The following TAF4 variants were observed in gnomAD, a reference collection of about 807,000 sequenced individuals.
The protein encoded by TAF4 is transcription initiation factor TFIID subunit 4.
A neutral mutation model predicts 90.3 loss-of-function variants in TAF4; 9 were observed. That is an observed-to-expected ratio of 0.10 (90% confidence interval 0.06 to 0.17). The LOEUF is 0.17. TAF4 is among the 10% of genes least tolerant of loss of function. The pLI, the probability that TAF4 is intolerant of heterozygous loss-of-function variation, is 1.00. For synonymous variants in TAF4, 818 were observed against 638.9 expected, an observed-to-expected ratio of 1.28 and a Z score of -4.23; for missense variants, 1,351 against 1,370.7, an observed-to-expected ratio of 0.99 and a Z score of 0.23.
At chr20:62,017,591 G>C (rs921115144) in intron 1 of TAF4, among the ~76,000 whole-genome samples, 3 of 152,218 alleles carry the variant, frequency 2.0e-5, no homozygotes, top group Non-Finnish European at 4.4e-5. Context: ...AGCTTGCAGT[G>C]AGCTGAGATC....
intron 1 of TAF4, among the ~76,000 whole-genome samples, chr20:62,039,534 T>C (rs1256360023): frequency 6.6e-6 from 1 of 152,204 alleles, no homozygotes; most frequent in Non-Finnish European, 1.5e-5. Context: ...AGGCACAAGA[T>C]GAATTCTTAA....
chr20:62,065,443 G>T lies in TAF4; in HGVS notation c.368C>A (p.Ala123Asp). ...PLVPAGPAPP[A>D]AKLRPPPEGS... ...CTCGGGCGGCGGCCTCAGCTTCGCG[G>T]CGGGCGGCGCGGGCCCTGCGGGGAC... is the stretch of plus-strand genomic sequence containing the variant. Residue 123 changes from alanine (A) to aspartate (D), a missense_variant, in exon 1 of 15, where the codon GCC becomes GAC. Ala to Asp is a moderately radical substitution (Grantham distance 126, BLOSUM62 -2). Coordinates refer to ENST00000252996, the MANE Select transcript of TAF4 (RefSeq NM_003185.4). 1 of 976,748 alleles carries T rather than the reference G, an allele frequency of 1.0e-6. No individual in the cohort carries two copies. The highest frequency in any genetic ancestry group is 4.6e-5 in the South Asian group (1 of 21,888). The allele number at this position is 976,748 out of a possible 1,614,324, so 60.5% of individuals were successfully genotyped here. A position where few individuals can be genotyped will look rare whatever the true frequency, so the allele number is the denominator to read the frequency against.
chr20:62,007,700 G>T, intron 5 of TAF4, 64 bp from the exon 6 acceptor site: 1 of 1,448,600 alleles, frequency 6.9e-7, no homozygotes, highest in Non-Finnish European at 9.5e-7. Flanking sequence ...TCTGAATCCC[G>T]CATCACTCTG....
intron 1 of TAF4, among the ~76,000 whole-genome samples, chr20:62,051,513 C>T (rs1007461185): frequency 1.3e-5 from 2 of 152,170 alleles, no homozygotes; most frequent in African/African-American, 2.4e-5. Context: ...CTCGGCCCTG[C>T]AGCATGAGTC....
At position 61,998,003 on chromosome 20, in the gene TAF4, C is replaced by G. The variant is rs544951871; in HGVS notation, c.2970+133G>C. ...ACCTCTGATGTTGTATTTATTTAAA[C>G]TTGGCAAACATTTTAAACAGACACG... is the stretch of plus-strand genomic sequence containing the variant. On this transcript the variant is annotated intron_variant, in intron 13 of 14. Coordinates refer to ENST00000252996, the MANE Select transcript of TAF4 (RefSeq NM_003185.4). The G allele has an allele frequency of 3.3e-5, 29 of 869,082 alleles. No homozygotes were observed. In the Admixed American group the frequency reaches 5.4e-4, roughly 16 times the overall value. 53.8% of individuals were successfully genotyped at this position (869,082 alleles called of 1,614,324 possible). A position where few individuals can be genotyped will look rare whatever the true frequency, so the allele number is the denominator to read the frequency against.
chr20:62,009,621 G>C (rs905419811), intron 4 of TAF4, among the ~76,000 whole-genome samples: 1 of 152,240 alleles, frequency 6.6e-6, no homozygotes, highest in Non-Finnish European at 1.5e-5. Context: ...TATCGATACA[G>C]GCCGACACTG....
chr20:62,062,428 G>A (rs2145526348), intron 1 of TAF4, among the ~76,000 whole-genome samples: 1 of 151,168 alleles, frequency 6.6e-6, no homozygotes, highest in African/African-American at 2.4e-5. Context: ...GGTTATTATT[G>A]AAACAAATAA....
chr20:61,977,158 G>A (rs956375998), intron 14 of TAF4, among the ~76,000 whole-genome samples: 6 of 134,836 alleles, frequency 4.4e-5, no homozygotes, highest in Non-Finnish European at 9.2e-5. Flanking sequence ...ACACGACACC[G>A]CCCAGCGGGG....
chr20:62,048,600 A>AC (rs113800542), intron 1 of TAF4, among the ~76,000 whole-genome samples: 3 of 151,812 alleles, frequency 2.0e-5, no homozygotes, highest in African/African-American at 7.3e-5. Flanking sequence ...CCACGTGCCC[A>AC]CCTCCGTCAC....
At position 62,019,133 on chromosome 20, in the gene TAF4, T is replaced by G. The variant is rs532131579; in HGVS notation, c.1361-4426A>C. ...ACTGGGGCTTCCAATTGTCCTAATA[T>G]CTTCCTTACCACAGAAAGAAGTGTT... On this transcript the variant is annotated intron_variant, in intron 1 of 14. Transcript: ENST00000252996. 6.5e-4 allele frequency among the ~76,000 whole-genome samples: 99 copies of G among 152,336 alleles called. No individual in the cohort carries two copies. In the South Asian group the frequency reaches 7.5e-3, roughly 11 times the overall value.
At chr20:62,063,626 G>A (rs1305263036) in intron 1 of TAF4, among the ~76,000 whole-genome samples, 1 of 151,984 alleles carries the variant, frequency 6.6e-6, no homozygotes, top group Non-Finnish European at 1.5e-5. Context: ...ATCGCCCCGA[G>A]ACCCCTGCAC....
At chr20:61,989,370 G>C (rs1013011551) in intron 14 of TAF4, among the ~76,000 whole-genome samples, 1 of 152,182 alleles carries the variant, frequency 6.6e-6, no homozygotes, top group Non-Finnish European at 1.5e-5. Flanking sequence ...GACGAGGGAA[G>C]TGTCAAAGGA....
intron 14 of TAF4, among the ~76,000 whole-genome samples, chr20:61,985,912 C>T (rs1234916269): frequency 1.3e-5 from 2 of 151,432 alleles, no homozygotes; most frequent in African/African-American, 2.4e-5. Flanking sequence ...CCACCATCCC[C>T]GACCAAAGGA....
chr20:61,987,786 T>C (rs1258408893), intron 14 of TAF4, among the ~76,000 whole-genome samples: 1 of 152,258 alleles, frequency 6.6e-6, no homozygotes, highest in Non-Finnish European at 1.5e-5. Flanking sequence ...TTATACCAGC[T>C]TTCTTCATAA....
chr20:61,991,575 G>C (rs2055631624), intron 14 of TAF4, among the ~76,000 whole-genome samples: 1 of 151,892 alleles, frequency 6.6e-6, no homozygotes, highest in Middle Eastern at 3.4e-3. Flanking sequence ...CTCCAGCATG[G>C]GTGAGAGAGA....
In TAF4 at chr20:62,065,435, G is replaced by A. The variant is rs2056124824; in HGVS notation, c.376C>T (p.Leu126=). ...GCGCTGCCCTCGGGCGGCGGCCTCAGCTTCGCGGCGGGCGGCGCGGGCCCT... is the reference window on the plus strand; with the variant it reads ...GCGCTGCCCTCGGGCGGCGGCCTCAACTTCGCGGCGGGCGGCGCGGGCCCT... ...PAGPAPPAAK[L]RPPPEGSAGS... is the part of the protein sequence containing the mutation. Residue 126 remains leucine (L), a synonymous_variant, in exon 1 of 15, where the codon CTG becomes TTG. Transcript: ENST00000252996. 1.9e-5 allele frequency: 19 copies of A among 975,052 alleles called. No homozygotes were observed. The highest frequency in any genetic ancestry group is 2.2e-5 in the Non-Finnish European group (18 of 824,748). The allele number at this position is 975,052 out of a possible 1,614,324, so 60.4% of individuals were successfully genotyped here.
Position 62,065,535 on chromosome 20 carries a change from T to C in TAF4, c.276A>G (p.Ala92=). The C allele has an allele frequency of 1.0e-6, 1 of 973,914 alleles. No homozygotes were observed. The highest frequency in any genetic ancestry group is 1.2e-6 in the Non-Finnish European group (1 of 825,328). The allele number at this position is 973,914 out of a possible 1,614,324, so 60.3% of individuals were successfully genotyped here. ...CCCCGCCCCCCGGCCGCGCTCTACC[T>C]GCGGGGGGCGGCTCCGGCGCCGCTC... is the stretch of plus-strand genomic sequence containing the variant. ...APGAAPEPPP[A]GRARPGGGGP... The change falls in exon 1 of 15, where the codon GCA becomes GCG. Residue 92 remains alanine, a synonymous_variant. Transcript: ENST00000252996.
At chr20:62,029,506 A>ACACT (rs2055892890) in intron 1 of TAF4, among the ~76,000 whole-genome samples, 1 of 151,424 alleles carries the variant, frequency 6.6e-6, no homozygotes, top group African/African-American at 2.4e-5. Context: ...ACACACACAC[A>ACACT]CTCATACATG....
Position 62,064,782 on chromosome 20 carries a change from C to G in TAF4, c.1029G>C (p.Lys343Asn), listed in dbSNP as rs1477113127. ...AAAAAPAPGV[K>N]AESPKRVVQA... The stretch of plus-strand genomic sequence containing the variant: ...GCACCACCCTCTTGGGCGACTCGGC[C>G]TTGACCCCCGGCGCCGGCGCCGCAG... The change falls in exon 1 of 15, where the codon AAG becomes AAC. Residue 343 changes from lysine (K) to asparagine (N), a missense_variant. Coordinates refer to ENST00000252996, the MANE Select transcript of TAF4 (RefSeq NM_003185.4). The G allele has an allele frequency of 2.8e-6, 3 of 1,086,942 alleles. No individual in the cohort carries two copies. Among genetic ancestry groups the G allele is most frequent in the Non-Finnish European group, 3.3e-6 (3 of 896,752 alleles). The allele number at this position is 1,086,942 out of a possible 1,614,324, so 67.3% of individuals were successfully genotyped here. A position where few individuals can be genotyped will look rare whatever the true frequency, so the allele number is the denominator to read the frequency against.
Sources: allele counts gnomAD v4.1 joint callset (sites outside exome capture counted in the v4.1 genomes callset), GRCh38; gene constraint gnomAD v4.1.1; transcripts MANE v1.5; gene names NCBI Gene and HGNC (gene_info 2026-07-23, HGNC 2026-07-21).